TXNRD1: variants seen among roughly 807,000 people sequenced by gnomAD.
TXNRD1 encodes the protein thioredoxin reductase 1.
Under a neutral mutation model 80.3 loss-of-function variants are expected in TXNRD1, and 57 were observed. That is an observed-to-expected ratio of 0.71 (90% CI 0.57 to 0.89). The LOEUF is 0.89. Ranked by LOEUF, TXNRD1 falls within the 40% of genes least tolerant of loss-of-function variation. TXNRD1 has a pLI of 0.00. For missense variants in TXNRD1, 730 were observed against 803.0 expected (o/e 0.91, Z 1.10); for synonymous variants, 291 against 285.2 (o/e 1.02, Z -0.20).
At chr12:104,262,835 G>T (rs533802156) in intron 3 of TXNRD1, among the ~76,000 whole-genome samples, 55 of 151,742 alleles carry the variant, frequency 3.6e-4, no homozygotes, top group Admixed American at 5.9e-4. Flanking sequence ...AGAGTTGAGG[G>T]CCTGTGTACT....
At chr12:104,257,339 A>C (rs1022693616) in intron 2 of TXNRD1, among the ~76,000 whole-genome samples, 1 of 149,242 alleles carries the variant, frequency 6.7e-6, no homozygotes, top group African/African-American at 2.5e-5. Flanking sequence ...TACTTTAACT[A>C]TTGTAGAATA....
intron 4 of TXNRD1, chr12:104,289,287 AAT>A (rs754660174): frequency 1.3e-5 from 5 of 391,356 alleles, no homozygotes; most frequent in African/African-American, 2.0e-5. Context: ...GCTTTTTAAA[AAT>A]GTCCTTTTTC....
chr12:104,225,095 G>A (rs2032443169), intron 1 of TXNRD1, among the ~76,000 whole-genome samples: 1 of 152,184 alleles, frequency 6.6e-6, no homozygotes, highest in South Asian at 2.1e-4. Context: ...GTTAGGCATT[G>A]TTGTAGGTGC....
chr12:104,254,644 A>AAAAAAAAAAAAATATATATATATATATAT, intron 2 of TXNRD1, among the ~76,000 whole-genome samples: 3 of 93,634 alleles, frequency 3.2e-5, no homozygotes, highest in Admixed American at 1.3e-4. Flanking sequence ...AAAAAAAAAA[A>AAAAAAAAAAAAATATATATATATATATAT]ATATATATAT....
intron 4 of TXNRD1, among the ~76,000 whole-genome samples, chr12:104,308,511 TTTTAA>T (rs1416039492): frequency 6.6e-6 from 1 of 152,132 alleles, no homozygotes; most frequent in Non-Finnish European, 1.5e-5. Context: ...AATATATTAT[TTTTAA>T]TTTGTTAATG....
Position 104,327,440 on chromosome 12 carries a change from G to GA in TXNRD1, c.1386-69dup, listed in dbSNP as rs35252586. On this transcript the variant is annotated intron_variant, in intron 12 of 16. Coordinates refer to ENST00000525566, the MANE Select transcript of TXNRD1 (RefSeq NM_001093771.3). ...TAGAGTCACAATTTTGGGCTTCCCT[G>GA]AAAAAACGGAAGATTTTGTTCTCCT... 354 of 1,472,156 alleles carry GA rather than the reference G, an allele frequency of 2.4e-4. No individual in the cohort carries two copies. In the East Asian group the frequency reaches 5.1e-3, roughly 21 times the overall value. The allele number at this position is 1,472,156 out of a possible 1,614,324, so 91.2% of individuals were successfully genotyped here.
chr12:104,334,796 T>TG (rs1320740683), intron 15 of TXNRD1, among the ~76,000 whole-genome samples: 1 of 152,158 alleles, frequency 6.6e-6, no homozygotes, highest in Non-Finnish European at 1.5e-5. Flanking sequence ...CACTGCCTGC[T>TG]GCCCCCTCAT....
At chr12:104,332,749 CAAAAAAAAAA>C in intron 14 of TXNRD1, among the ~76,000 whole-genome samples, 1 of 76,730 alleles carries the variant, frequency 1.3e-5, no homozygotes, top group East Asian at 3.5e-4. Flanking sequence ...AACTCCGTCT[CAAAAAAAAAA>C]AAAAAAAAAA....
At chr12:104,223,574 G>A (rs993710607) in intron 1 of TXNRD1, among the ~76,000 whole-genome samples, 1 of 152,176 alleles carries the variant, frequency 6.6e-6, no homozygotes, top group Non-Finnish European at 1.5e-5. Flanking sequence ...GCATGGTTTC[G>A]CTGTACCATT....
intron 1 of TXNRD1, among the ~76,000 whole-genome samples, chr12:104,228,881 G>A (rs1196236348): frequency 6.6e-6 from 1 of 151,650 alleles, no homozygotes; most frequent in Non-Finnish European, 1.5e-5. Context: ...CACCACACCT[G>A]GCTAATTTTT....
intron 4 of TXNRD1, chr12:104,290,886 G>A: frequency 1.8e-6 from 1 of 544,022 alleles, no homozygotes. Flanking sequence ...GGCAATGGGA[G>A]TAAAAAGAGT....
At chr12:104,222,378 G>GA (rs144809366) in intron 1 of TXNRD1, among the ~76,000 whole-genome samples, 9 of 147,990 alleles carry the variant, frequency 6.1e-5, no homozygotes, top group South Asian at 2.1e-4. Context: ...ATCTTGTACA[G>GA]AAAAAAAAAC....
At chr12:104,272,288 C>A (rs1002005596) in intron 3 of TXNRD1, among the ~76,000 whole-genome samples, 2 of 152,146 alleles carry the variant, frequency 1.3e-5, no homozygotes, top group Middle Eastern at 3.4e-3. Context: ...AAGGTTAGAT[C>A]GCAAAGGCTA....
intron 3 of TXNRD1, among the ~76,000 whole-genome samples, chr12:104,260,673 G>A (rs2033349005): frequency 1.3e-5 from 2 of 152,052 alleles, no homozygotes; most frequent in Admixed American, 1.3e-4. Context: ...ATACTCCATA[G>A]TATGAAAGGT....
chr12:104,251,873 G>A (rs969532120), intron 2 of TXNRD1, among the ~76,000 whole-genome samples, 195 bp downstream of exon 2: 6 of 151,998 alleles, frequency 3.9e-5, no homozygotes, highest in African/African-American at 1.4e-4. Context: ...AGACCATCCT[G>A]GCCAACATGA....
At chr12:104,343,829 C>T (rs973892460) in intron 16 of TXNRD1, among the ~76,000 whole-genome samples, 4 of 146,738 alleles carry the variant, frequency 2.7e-5, no homozygotes, top group African/African-American at 1.0e-4. Flanking sequence ...AATGGCCTGG[C>T]TCAGTGGCTC....
intron 3 of TXNRD1, among the ~76,000 whole-genome samples, chr12:104,260,449 A>C (rs889073460): frequency 6.7e-6 from 1 of 148,914 alleles, no homozygotes; most frequent in African/African-American, 2.5e-5. Flanking sequence ...CCTGGGCAAC[A>C]AGAGCACAAC....
chr12:104,291,095 A>G (rs2034189159), intron 4 of TXNRD1: 7 of 672,596 alleles, frequency 1.0e-5, no homozygotes, highest in Non-Finnish European at 1.6e-5. Context: ...AGGTCACGAC[A>G]TTTAGTGAGG....
Position 104,215,780 on chromosome 12 carries a change from G to A in TXNRD1, c.-23G>A. ...CGCCAGGCGTCCTTCGGCTCCGTCA[G>A]TTCCCACAGGGCCTTGTGCGACATG... On this transcript the variant is annotated 5_prime_UTR_variant, in exon 1 of 17. Transcript: ENST00000525566. 1 of 1,549,310 alleles carries A rather than the reference G, an allele frequency of 6.5e-7. No individual in the cohort carries two copies. The highest frequency in any genetic ancestry group is 8.7e-7 in the Non-Finnish European group (1 of 1,146,216).
Sources: allele counts gnomAD v4.1 joint callset (sites outside exome capture counted in the v4.1 genomes callset), GRCh38; gene constraint gnomAD v4.1.1; transcripts MANE v1.5; gene names NCBI Gene and HGNC (gene_info 2026-07-23, HGNC 2026-07-21).